The following CAMKMT variants were observed in gnomAD, a reference collection of about 807,000 sequenced individuals.
CAMKMT encodes the protein CaM KMT.
CAMKMT carries 53 observed loss-of-function variants against 48.0 expected under a neutral mutation model. The ratio of observed to expected loss-of-function variants is 1.10; its 90% CI spans 0.89 to 1.39. The LOEUF is 1.39. Ranked by LOEUF, CAMKMT falls within the 40% of genes most tolerant of loss-of-function variation. The pLI is 0.00. For missense variants in CAMKMT, 428 were observed against 402.7 expected, an observed-to-expected ratio of 1.06 and a Z score of -0.54; for synonymous variants, 165 against 152.3, an observed-to-expected ratio of 1.08 and a Z score of -0.61.
At chr2:44,637,981 C>A (rs1289672341) in intron 3 of CAMKMT, among the ~76,000 whole-genome samples, 1 of 150,632 alleles carries the variant, frequency 6.6e-6, no homozygotes, top group East Asian at 1.9e-4. Context: ...AGGAGAATCG[C>A]TTGAACTCGG....
At chr2:44,605,769 C>T (rs890820676) in intron 3 of CAMKMT, among the ~76,000 whole-genome samples, 2 of 152,008 alleles carry the variant, frequency 1.3e-5, no homozygotes, top group African/African-American at 4.8e-5. Context: ...CTTGCTTGTC[C>T]TAATTCCTTT....
At chr2:44,704,152 G>A in intron 3 of CAMKMT, 131 bp from the exon 4 acceptor site, 1 of 492,824 alleles carries the variant, frequency 2.0e-6, no homozygotes, top group Non-Finnish European at 3.5e-6. Context: ...CCCGTGACAT[G>A]ACATATTATA....
chr2:44,640,370 C>T (rs569883039), intron 3 of CAMKMT, among the ~76,000 whole-genome samples: 169 of 152,284 alleles, frequency 1.1e-3, no homozygotes, highest in African/African-American at 3.8e-3. Context: ...AGAGACTGAG[C>T]TCCTCTGCCT....
chr2:44,533,431 G>A (rs1666597165), intron 3 of CAMKMT, among the ~76,000 whole-genome samples: 1 of 151,712 alleles, frequency 6.6e-6, no homozygotes, highest in South Asian at 2.1e-4. Context: ...TAGAGACAGG[G>A]TTTCACCATG....
At chr2:44,566,434 T>C (rs1668619648) in intron 3 of CAMKMT, among the ~76,000 whole-genome samples, 1 of 152,218 alleles carries the variant, frequency 6.6e-6, no homozygotes, top group African/African-American at 2.4e-5. Context: ...AAGAATAAAT[T>C]GCTAAGTTCA....
chr2:44,363,685 C>T (rs1678257300), intron 1 of CAMKMT, among the ~76,000 whole-genome samples: 1 of 147,344 alleles, frequency 6.8e-6, no homozygotes, highest in African/African-American at 2.5e-5. Flanking sequence ...CGGCAACCCC[C>T]TTCTTTTTTT....
intron 2 of CAMKMT, among the ~76,000 whole-genome samples, chr2:44,388,553 T>G (rs1397687717): frequency 6.6e-6 from 1 of 152,094 alleles, no homozygotes; most frequent in Non-Finnish European, 1.5e-5. Context: ...GGTTAACTAG[T>G]GTGATTTTTT....
At chr2:44,533,055 T>A (rs1243586483) in intron 3 of CAMKMT, among the ~76,000 whole-genome samples, 4 of 151,262 alleles carry the variant, frequency 2.6e-5, no homozygotes, top group Non-Finnish European at 5.9e-5. Flanking sequence ...TTCAGGTGAT[T>A]CACCCACTTC....
At chr2:44,468,943 G>A (rs1315739439) in intron 3 of CAMKMT, among the ~76,000 whole-genome samples, 2 of 151,750 alleles carry the variant, frequency 1.3e-5, no homozygotes, top group Non-Finnish European at 2.9e-5. Flanking sequence ...AAAAAACAAA[G>A]GAAAAGAAAG....
Position 44,705,489 on chromosome 2 carries a change from G to A in CAMKMT, c.438-798G>A, listed in dbSNP as rs1677503437. ...CTCCAATCAGCGAGCAGTGGGCCAG[G>A]GCGAGAATGTCACACGTTAAGGGCT... is the stretch of plus-strand genomic sequence containing the variant. On this transcript the variant is annotated intron_variant, in intron 4 of 10. Transcript: ENST00000378494. 1.0e-5 allele frequency: 10 copies of A among 985,226 alleles called. No individual in the cohort carries two copies. In the South Asian group the frequency reaches 4.7e-4, roughly 46 times the overall value. The allele number at this position is 985,226 out of a possible 1,614,324, so 61.0% of individuals were successfully genotyped here.
intron 3 of CAMKMT, among the ~76,000 whole-genome samples, chr2:44,399,317 A>C (rs1353563686): frequency 1.3e-5 from 2 of 152,146 alleles, no homozygotes; most frequent in African/African-American, 4.8e-5. Context: ...TTTTATTTTA[A>C]TACTTGGTGA....
intron 3 of CAMKMT, among the ~76,000 whole-genome samples, chr2:44,397,607 C>G (rs1301373478): frequency 2.6e-5 from 4 of 151,802 alleles, no homozygotes; most frequent in South Asian, 2.1e-4. Context: ...AAGCGTGCCC[C>G]TAATTCATAA....
intron 3 of CAMKMT, among the ~76,000 whole-genome samples, chr2:44,665,937 G>A (rs1446683539): frequency 4.6e-5 from 7 of 152,190 alleles, no homozygotes; most frequent in Admixed American, 2.0e-4. Flanking sequence ...TCCTTTAAAG[G>A]TGGCCAAATC....
chr2:44,725,399 G>A (rs1200695904), intron 7 of CAMKMT, among the ~76,000 whole-genome samples: 2 of 152,148 alleles, frequency 1.3e-5, no homozygotes, highest in Admixed American at 1.3e-4. Context: ...GGGTTATAAA[G>A]ATTAAGGTGA....
At chr2:44,691,709 A>G (rs576062280) in intron 3 of CAMKMT, among the ~76,000 whole-genome samples, 1 of 152,254 alleles carries the variant, frequency 6.6e-6, no homozygotes, top group South Asian at 2.1e-4. Context: ...CAGGTCTATA[A>G]TCAGATTGCC....
chr2:44,562,507 A>G (rs1278805494), intron 3 of CAMKMT, among the ~76,000 whole-genome samples: 2 of 152,202 alleles, frequency 1.3e-5, no homozygotes, highest in Non-Finnish European at 2.9e-5. Flanking sequence ...CAAGGCTTAG[A>G]GAGGTTGGGT....
intron 3 of CAMKMT, among the ~76,000 whole-genome samples, chr2:44,418,187 T>C (rs376528757): frequency 8.3e-6 from 1 of 120,892 alleles, no homozygotes; most frequent in African/African-American, 2.9e-5. Context: ...AGCGGAACTC[T>C]GTCTCAAAAA....
chr2:44,592,948 A>G (rs1670395841), intron 3 of CAMKMT, among the ~76,000 whole-genome samples: 1 of 152,236 alleles, frequency 6.6e-6, no homozygotes, highest in African/African-American at 2.4e-5. Flanking sequence ...ATGTTATTCA[A>G]GCCTTCTATG....
intron 3 of CAMKMT, among the ~76,000 whole-genome samples, chr2:44,474,835 C>T (rs923851262): frequency 6.6e-5 from 10 of 152,270 alleles, no homozygotes; most frequent in Non-Finnish European, 1.0e-4. Context: ...TCTCTATTTC[C>T]GTTTTTGCTC....
Sources: gnomAD v4.1 joint callset for allele counts (sites outside exome capture counted in the v4.1 genomes callset) on GRCh38, gnomAD v4.1.1 for gene constraint, MANE v1.5 for transcripts, NCBI Gene and HGNC (gene_info 2026-07-23, HGNC 2026-07-21) for gene names.